Variants in RBFOX1 observed in about 807,000 individuals in gnomAD.
RBFOX1 encodes the protein RNA binding fox-1 homolog 1.
In RBFOX1, 8 loss-of-function variants were observed where a neutral mutation model predicts 57.7. That is an observed-to-expected ratio of 0.14 (90% CI 0.08 to 0.25). The LOEUF (loss-of-function observed/expected upper bound fraction) is 0.25. RBFOX1 is among the 10% of genes least tolerant of loss of function. RBFOX1 has a pLI of 1.00. For missense variants in RBFOX1, 611 were observed against 548.5 expected (o/e 1.11, Z -1.14); for synonymous variants, 326 against 222.4 (o/e 1.47, Z -4.15).
chr16:5,760,831 T>G (rs1292606556), intron 3 of RBFOX1, among the ~76,000 whole-genome samples: 1 of 152,188 alleles, frequency 6.6e-6, no homozygotes, highest in Non-Finnish European at 1.5e-5. Context: ...TGGTCGTTAC[T>G]GGGAGCAGAA....
chr16:6,913,201 A>G (rs990644435), intron 3 of RBFOX1, among the ~76,000 whole-genome samples: 1 of 151,996 alleles, frequency 6.6e-6, no homozygotes, highest in Admixed American at 6.6e-5. Context: ...ACATTTTTTT[A>G]AATGCAAAAA....
intron 3 of RBFOX1, among the ~76,000 whole-genome samples, chr16:6,921,643 ATATTT>A (rs1278696885): frequency 0.016 from 557 of 34,520 alleles, 13 homozygotes; most frequent in South Asian, 0.14. Flanking sequence ...ATATATATAT[ATATTT>A]TTTTTTTTCT....
intron 3 of RBFOX1, among the ~76,000 whole-genome samples, chr16:6,759,754 A>T (rs982902876): frequency 6.6e-6 from 1 of 152,208 alleles, no homozygotes; most frequent in African/African-American, 2.4e-5. Context: ...ATGCTGAAGA[A>T]TTCATGCTAA....
chr16:7,209,959 A>C (rs948738969), intron 4 of RBFOX1, among the ~76,000 whole-genome samples: 4 of 152,320 alleles, frequency 2.6e-5, no homozygotes, highest in Non-Finnish European at 4.4e-5. Flanking sequence ...AAAGCTTTTA[A>C]GCCCCATTGA....
At chr16:7,582,330 C>T (rs1029840494) in intron 6 of RBFOX1, among the ~76,000 whole-genome samples, 69 of 152,204 alleles carry the variant, frequency 4.5e-4, no homozygotes, top group African/African-American at 1.6e-3. Context: ...ATCTGTGTCC[C>T]TTTTTTTAAA....
In RBFOX1 at chr16:6,911,820, A is replaced by T. The variant is rs1271045320; in HGVS notation, c.-15-140237A>T. Among the ~76,000 whole-genome samples the T allele has an allele frequency of 7.9e-5, 12 of 152,304 alleles. No homozygotes were observed. In the South Asian group the frequency reaches 8.3e-4, roughly 11 times the overall value. ...ATTTTTTCTTCTTTTTCAGTAAATG[A>T]ATTTACTTTTTAAAAATCTCAGTAA... On this transcript the variant is annotated intron_variant, in intron 3 of 15. Coordinates refer to ENST00000550418, the MANE Select transcript of RBFOX1 (RefSeq NM_018723.4).
chr16:5,993,382 T>A (rs200785328), intron 4 of RBFOX1, among the ~76,000 whole-genome samples: 3,839 of 31,510 alleles, frequency 0.12, 75 homozygotes, highest in Admixed American at 0.17. Flanking sequence ...TGTGTGTGTG[T>A]GTGAGAGAGA....
chr16:6,994,154 C>G (rs376207184), intron 3 of RBFOX1, among the ~76,000 whole-genome samples: 1 of 151,934 alleles, frequency 6.6e-6, no homozygotes, highest in South Asian at 2.1e-4. Flanking sequence ...GGGGTATTGG[C>G]GGGATCAGGG....
chr16:7,051,022 T>C (rs956095301), intron 3 of RBFOX1, among the ~76,000 whole-genome samples: 1 of 152,178 alleles, frequency 6.6e-6, no homozygotes, highest in Non-Finnish European at 1.5e-5. Flanking sequence ...GCGTAAAATA[T>C]ACATCAAAAG....
intron 4 of RBFOX1, among the ~76,000 whole-genome samples, chr16:7,052,919 C>A (rs1293645355): frequency 6.6e-6 from 1 of 152,102 alleles, no homozygotes; most frequent in Non-Finnish European, 1.5e-5. Flanking sequence ...GACAATGTGC[C>A]TTATAGCCAT....
chr16:6,170,675 C>T lies in RBFOX1; in HGVS notation c.-126-146320C>T, dbSNP rs74457924. Among the ~76,000 whole-genome samples, 1,491 of 152,040 alleles carry T rather than the reference C, an allele frequency of 9.8e-3. 19 individuals are homozygous for T. The highest frequency in any genetic ancestry group is 0.034 in the African/African-American group (1,406 of 41,460). On this transcript the variant is annotated intron_variant, in intron 1 of 15. Transcript: ENST00000550418. ...ACCCGTGTCACGGGGGTTTGTTGTA[C>T]AAATTATTTCATCACCCAAGTACTA...
intron 1 of RBFOX1, among the ~76,000 whole-genome samples, chr16:5,299,755 C>G (rs568399391): frequency 2.6e-5 from 4 of 152,034 alleles, no homozygotes; most frequent in African/African-American, 9.7e-5. Flanking sequence ...AGTTTTTCTT[C>G]TTTTCCTTGT....
chr16:7,479,712 T>C (rs1402973105), intron 4 of RBFOX1, among the ~76,000 whole-genome samples: 8 of 152,122 alleles, frequency 5.3e-5, no homozygotes, highest in Non-Finnish European at 1.2e-4. Context: ...GTGGGGCACC[T>C]GGAGGGGGGG....
intron 3 of RBFOX1, among the ~76,000 whole-genome samples, chr16:5,664,962 C>T (rs950186469): frequency 4.8e-5 from 7 of 145,596 alleles, no homozygotes; most frequent in African/African-American, 7.6e-5. Flanking sequence ...TTTTTTTTAT[C>T]GAGATAGGGT....
intron 3 of RBFOX1, among the ~76,000 whole-genome samples, chr16:6,821,815 T>A (rs1418768955): frequency 6.6e-6 from 1 of 152,228 alleles, no homozygotes; most frequent in Non-Finnish European, 1.5e-5. Flanking sequence ...CTGTTGTGAA[T>A]GATGCTGTTA....
chr16:7,443,991 C>T (rs540310770), intron 4 of RBFOX1, among the ~76,000 whole-genome samples: 3 of 152,102 alleles, frequency 2.0e-5, no homozygotes, highest in African/African-American at 7.2e-5. Context: ...GAGAAACTTC[C>T]ACTTTGCCTA....
intron 2 of RBFOX1, among the ~76,000 whole-genome samples, chr16:5,546,180 A>G (rs1318919245): frequency 1.3e-5 from 2 of 152,194 alleles, no homozygotes; most frequent in Non-Finnish European, 2.9e-5. Flanking sequence ...ATGAAGAACT[A>G]AATAAATGGA....
chr16:6,211,228 C>CT (rs990122299), intron 1 of RBFOX1, among the ~76,000 whole-genome samples: 2,288 of 96,810 alleles, frequency 0.024, 22 homozygotes, highest in East Asian at 0.043. Context: ...ATCTAGTTAA[C>CT]TTTTTTTTTT....
intron 4 of RBFOX1, among the ~76,000 whole-genome samples, chr16:7,074,200 A>G (rs1040717870): frequency 1.3e-5 from 2 of 152,204 alleles, no homozygotes; most frequent in Non-Finnish European, 2.9e-5. Flanking sequence ...TTAGGATTGA[A>G]GTAGACAAGG....
Sources: gnomAD v4.1 joint callset for allele counts (sites outside exome capture counted in the v4.1 genomes callset) on GRCh38, gnomAD v4.1.1 for gene constraint, MANE v1.5 for transcripts, NCBI Gene and HGNC (gene_info 2026-07-23, HGNC 2026-07-21) for gene names.